TG: variants seen among roughly 807,000 people sequenced by gnomAD.
TG encodes thyroid hormones.
Under a neutral mutation model 324.7 loss-of-function variants are expected in TG, and 270 were observed. The ratio of observed to expected loss-of-function variants is 0.83; its 90% CI spans 0.75 to 0.92. TG has a LOEUF of 0.92. TG is among the 40% of genes least tolerant of loss of function. The pLI, the probability that TG is intolerant of heterozygous loss-of-function variation, is 0.00. For synonymous variants in TG, 1,401 were observed against 1,327.0 expected (o/e 1.06, Z -1.21); for missense variants, 3,591 against 3,456.4 (o/e 1.04, Z -0.98).
At chr8:132,916,388 G>T (rs558689949) in intron 20 of TG, among the ~76,000 whole-genome samples, 1 of 152,088 alleles carries the variant, frequency 6.6e-6, no homozygotes, top group African/African-American at 2.4e-5. Context: ...TGCATCACAC[G>T]TCTCCCTTCT....
intron 41 of TG, among the ~76,000 whole-genome samples, chr8:133,093,319 T>G (rs1008835099): frequency 6.6e-6 from 1 of 152,192 alleles, no homozygotes; most frequent in African/African-American, 2.4e-5. Flanking sequence ...CTTTTATTGC[T>G]GCTGCTTATC....
chr8:132,897,669 C>T lies in TG; in HGVS notation c.3022C>T (p.Arg1008Cys), dbSNP rs115856143. 3.2e-5 allele frequency: 51 copies of T among 1,614,236 alleles called. No individual in the cohort carries two copies. Among genetic ancestry groups the T allele is most frequent in the East Asian group, 1.1e-4 (5 of 44,884 alleles). The part of the protein sequence containing the change: ...AQSTLSFYQR[R>C]RFSPDDSAGA... ...TCCAGCCTTAAGCTTCTATCAGAGA[C>T]GCCGCTTTTCCCCGGACGACTCGGC... Residue 1008 changes from arginine to cysteine, a missense_variant, in exon 12 of 48, where the codon CGC (arginine) becomes TGC (cysteine). Transcript: ENST00000220616.
intron 5 of TG, among the ~76,000 whole-genome samples, chr8:132,875,803 G>T (rs896712442): frequency 1.3e-5 from 2 of 152,172 alleles, no homozygotes; most frequent in Non-Finnish European, 2.9e-5. Context: ...TCATGGGAAG[G>T]GTTGGGTGGT....
intron 41 of TG, chr8:133,048,058 A>G: frequency 1.6e-6 from 1 of 608,842 alleles, no homozygotes; most frequent in Non-Finnish European, 2.9e-6. Context: ...TGAGACAGGA[A>G]GCATCATCTC....
Position 132,882,568 on chromosome 8 carries a change from G to C in TG, c.845G>C (p.Arg282Thr). ...TETTLYRILQRRFLAVQSVIS... is the reference protein window; with the variant it reads ...TETTLYRILQTRFLAVQSVIS... ...ACCACCCTGTACCGGATACTGCAGA[G>C]ACGGTTCCTCGCAGTTCAATCAGTC... Residue 282 changes from arginine (R) to threonine (T), a missense_variant, in exon 7 of 48, where the codon AGA becomes ACA. Transcript: ENST00000220616. 1 of 1,614,244 alleles carries C rather than the reference G, an allele frequency of 6.2e-7. No individual in the cohort carries two copies. Among genetic ancestry groups the C allele is most frequent in the Non-Finnish European group, 8.5e-7 (1 of 1,180,050 alleles).
At chr8:133,095,321 A>G (rs1848240946) in intron 42 of TG, 113 bp downstream of exon 42, 1 of 1,436,718 alleles carries the variant, frequency 7.0e-7, no homozygotes. Flanking sequence ...CATGAGGCTG[A>G]TGACCAACTG....
Position 132,983,293 on chromosome 8 carries a change from A to T in TG, c.6200-57A>T, listed in dbSNP as rs1587677675. On this transcript the variant is annotated intron_variant, in intron 34 of 47. Transcript: ENST00000220616. ...CTTATACTTATATTAATGCCTTCTG[A>T]ACTCGATGATACCATGGGGGTAGAA... 19 of 1,569,302 alleles carry T rather than the reference A, an allele frequency of 1.2e-5. No homozygotes were observed. The East Asian group carries it at 4.3e-4, about 35-fold the overall frequency.
chr8:132,927,935 C>A (rs1238948156), intron 22 of TG, among the ~76,000 whole-genome samples: 1 of 152,130 alleles, frequency 6.6e-6, no homozygotes, highest in Non-Finnish European at 1.5e-5. Context: ...TTTGTGTGGG[C>A]AGAGCACGTG....
chr8:133,051,752 A>G (rs577345072), intron 41 of TG, among the ~76,000 whole-genome samples: 2 of 152,330 alleles, frequency 1.3e-5, no homozygotes, highest in East Asian at 3.9e-4. Flanking sequence ...GATGCATTAG[A>G]TGCAGGGTAA....
intron 2 of TG, 62 bp from the exon 3 acceptor site, chr8:132,869,667 G>T (rs1457456870): frequency 7.1e-7 from 1 of 1,399,010 alleles, no homozygotes; most frequent in Non-Finnish European, 1.0e-6. Flanking sequence ...AGCCTGAGTG[G>T]GAGCCGGCAT....
chr8:133,117,722 T>G (rs923110228), intron 45 of TG, among the ~76,000 whole-genome samples: 5 of 152,220 alleles, frequency 3.3e-5, no homozygotes, highest in African/African-American at 1.2e-4. Context: ...AAGAGCATTA[T>G]TGTTTTACTT....
intron 42 of TG, 60 bp from the exon 43 acceptor site, chr8:133,096,146 T>C: frequency 6.3e-7 from 1 of 1,597,082 alleles, no homozygotes; most frequent in South Asian, 1.1e-5. Flanking sequence ...AAGACCTCTT[T>C]ATGCAAAGCA....
chr8:133,102,511 C>G, intron 43 of TG: 1 of 1,547,428 alleles, frequency 6.5e-7, no homozygotes, highest in Non-Finnish European at 8.7e-7. Context: ...CCACCTATGG[C>G]CCACCCAGGG....
intron 26 of TG, among the ~76,000 whole-genome samples, chr8:132,943,658 C>T (rs777052648): frequency 3.3e-5 from 5 of 152,074 alleles, no homozygotes; most frequent in African/African-American, 1.2e-4. Context: ...CCATGACCTC[C>T]GACCTTCCCT....
intron 38 of TG, among the ~76,000 whole-genome samples, chr8:133,018,257 G>A (rs1835237778): frequency 6.6e-6 from 1 of 152,228 alleles, no homozygotes; most frequent in South Asian, 2.1e-4. Context: ...GTGATTCAGG[G>A]ACGCAGGCTG....
intron 43 of TG, among the ~76,000 whole-genome samples, chr8:133,105,350 G>C (rs773949043): frequency 6.6e-6 from 1 of 152,182 alleles, no homozygotes; most frequent in Non-Finnish European, 1.5e-5. Flanking sequence ...GGGGTGGACC[G>C]GAGGTGGGGG....
chr8:133,012,688 C>T (rs1281202753), intron 36 of TG, among the ~76,000 whole-genome samples: 1 of 152,226 alleles, frequency 6.6e-6, no homozygotes, highest in African/African-American at 2.4e-5. Flanking sequence ...ATCTCCTTCT[C>T]TGCAAGGTTG....
intron 20 of TG, among the ~76,000 whole-genome samples, chr8:132,917,043 CTCCTTCCTTCCTTCCT>C (rs1268389871): frequency 3.3e-4 from 16 of 48,786 alleles, no homozygotes; most frequent in Non-Finnish European, 7.0e-4. Context: ...CCCTCCCTCC[CTCCTTCCTTCCTTCCT>C]TCCTTCCTTC....
In TG at chr8:132,926,040, T is replaced by C. The variant is rs143343020; in HGVS notation, c.4699+2532T>C. Among the ~76,000 whole-genome samples the C allele has an allele frequency of 2.2e-3, 340 of 152,346 alleles. 2 individuals are homozygous for C. The highest frequency in any genetic ancestry group is 7.7e-3 in the African/African-American group (319 of 41,584). On this transcript the variant is annotated intron_variant, in intron 22 of 47. Coordinates refer to ENST00000220616, the MANE Select transcript of TG (RefSeq NM_003235.5). Reference sequence around the variant, plus strand: ...GAGCTTAAGTTTCCCTTTCTGGATATGCCTGGGGATTTCTATGCCACTAAG... The same window carrying C: ...GAGCTTAAGTTTCCCTTTCTGGATACGCCTGGGGATTTCTATGCCACTAAG...
Sources: allele counts gnomAD v4.1 joint callset (sites outside exome capture counted in the v4.1 genomes callset), GRCh38; gene constraint gnomAD v4.1.1; transcripts MANE v1.5; gene names NCBI Gene and HGNC (gene_info 2026-07-23, HGNC 2026-07-21).